Variants in GK5 observed in about 807,000 individuals in gnomAD.
GK5 encodes the protein glycerol kinase 5, also known as ATP:glycerol 3-phosphotransferase 5.
GK5 carries 39 observed loss-of-function variants against 77.3 expected under a neutral mutation model. That is an observed-to-expected ratio of 0.50 (90% CI 0.39 to 0.66). GK5 has a LOEUF of 0.66. Ranked by LOEUF, GK5 falls within the 30% of genes least tolerant of loss-of-function variation. The pLI is 0.00. For synonymous variants in GK5, 211 were observed against 208.0 expected (o/e 1.01, Z -0.13); for missense variants, 487 against 633.8 (o/e 0.77, Z 2.49).
At chr3:142,217,441 A>G (rs1444274376) in intron 1 of GK5, among the ~76,000 whole-genome samples, 1 of 152,208 alleles carries the variant, frequency 6.6e-6, no homozygotes, top group Non-Finnish European at 1.5e-5. Flanking sequence ...AAATTAATAA[A>G]CTTGAAGATA....
At chr3:142,209,362 G>T (rs974372793) in intron 3 of GK5, among the ~76,000 whole-genome samples, 4 of 152,192 alleles carry the variant, frequency 2.6e-5, no homozygotes, top group African/African-American at 9.7e-5. Flanking sequence ...AATGGCTAGT[G>T]TGGCTGAAAA....
intron 11 of GK5, 94 bp from the exon 12 acceptor site, chr3:142,177,670 GCAT>G: frequency 2.8e-6 from 2 of 726,194 alleles, no homozygotes; most frequent in East Asian, 5.0e-5. Context: ...GTATTTACCT[GCAT>G]CAACATTTAT....
chr3:142,205,027 G>A (rs2064083957), intron 3 of GK5, among the ~76,000 whole-genome samples: 1 of 151,998 alleles, frequency 6.6e-6, no homozygotes, highest in Admixed American at 6.6e-5. Context: ...TAAGGAAAAG[G>A]CCTTTGAAGA....
intron 2 of GK5, 32 bp from the exon 3 acceptor site, chr3:142,213,633 TAA>T: frequency 7.3e-7 from 1 of 1,363,890 alleles, no homozygotes; most frequent in Non-Finnish European, 1.0e-6. Context: ...ACACATGTTT[TAA>T]AGCCAGTGAT....
At chr3:142,173,112 G>A (rs538632625) in intron 12 of GK5, 1 of 385,554 alleles carries the variant, frequency 2.6e-6, no homozygotes, top group East Asian at 7.3e-5. Context: ...GAGGTGGAAG[G>A]ATTGCTTGTG....
intron 5 of GK5, among the ~76,000 whole-genome samples, chr3:142,189,757 T>C (rs1365324994): frequency 2.6e-5 from 4 of 152,154 alleles, no homozygotes; most frequent in African/African-American, 7.2e-5. Context: ...CCGGCTCTCA[T>C]AGGAACTACA....
chr3:142,209,062 T>C (rs1469389659), intron 3 of GK5, among the ~76,000 whole-genome samples: 2 of 151,218 alleles, frequency 1.3e-5, no homozygotes, highest in African/African-American at 4.9e-5. Context: ...GGCAGGAGAA[T>C]GGCGTGAACT....
chr3:142,191,796 G>C (rs1331228044), intron 5 of GK5, among the ~76,000 whole-genome samples: 1 of 152,068 alleles, frequency 6.6e-6, no homozygotes, highest in South Asian at 2.1e-4. Context: ...CACTCAACCT[G>C]GGTGACAGAG....
intron 12 of GK5, among the ~76,000 whole-genome samples, chr3:142,174,196 T>G (rs1028205712): frequency 7.9e-5 from 12 of 152,182 alleles, no homozygotes; most frequent in African/African-American, 2.7e-4. Context: ...TGGCTCCCCA[T>G]GGGAGAACAA....
chr3:142,172,994 G>GGGCT, intron 12 of GK5: 2 of 226,676 alleles, frequency 8.8e-6, no homozygotes, highest in South Asian at 1.2e-4. Flanking sequence ...CTTCAGCCCA[G>GGGCT]GAATTCAACA....
rs377275362 is a variant in GK5 at position 142,196,382 on chromosome 3, G to A, written c.543+2420C>T. 2.6e-4 allele frequency among the ~76,000 whole-genome samples: 40 copies of A among 151,138 alleles called. No individual in the cohort carries two copies. In the South Asian group the frequency reaches 7.3e-3, roughly 28 times the overall value. On this transcript the variant is annotated intron_variant, in intron 5 of 15. Transcript: ENST00000392993. Reference sequence around the variant, plus strand: ...TAGTTTGCTCATCTTTTTCCATGTCGTAAGGTAGAATGGTAGACTATTGAC... The same window carrying A: ...TAGTTTGCTCATCTTTTTCCATGTCATAAGGTAGAATGGTAGACTATTGAC...
At chr3:142,201,892 G>T (rs1160304149) in intron 4 of GK5, among the ~76,000 whole-genome samples, 3 of 152,098 alleles carry the variant, frequency 2.0e-5, no homozygotes, top group Non-Finnish European at 2.9e-5. Flanking sequence ...TTGAAATTTA[G>T]TAAGTACAAT....
chr3:142,198,003 C>T (rs1347677845), intron 5 of GK5, among the ~76,000 whole-genome samples: 1 of 146,256 alleles, frequency 6.8e-6, no homozygotes, highest in Non-Finnish European at 1.5e-5. Context: ...GCCTGGGTGA[C>T]AGGGTGAGAC....
chr3:142,185,775 CAT>C, intron 9 of GK5, 152 bp downstream of exon 9: 1 of 1,557,366 alleles, frequency 6.4e-7, no homozygotes, highest in East Asian at 2.3e-5. Flanking sequence ...ATATTCTGGT[CAT>C]ATCCAGGGAC....
chr3:142,186,125 T>G (rs753180229), intron 8 of GK5, 69 bp downstream of exon 8: 26 of 1,231,222 alleles, frequency 2.1e-5, no homozygotes, highest in Non-Finnish European at 2.7e-5. Flanking sequence ...AATAAAATGC[T>G]TTTCCCCACG....
At chr3:142,208,872 G>A (rs543170218) in intron 3 of GK5, among the ~76,000 whole-genome samples, 117 of 152,310 alleles carry the variant, frequency 7.7e-4, no homozygotes, top group African/African-American at 2.6e-3. Context: ...AATAGAGGCC[G>A]GGCGTGGTGG....
intron 3 of GK5, among the ~76,000 whole-genome samples, chr3:142,212,231 G>A (rs1052142127): frequency 6.6e-6 from 1 of 152,068 alleles, no homozygotes; most frequent in Non-Finnish European, 1.5e-5. Context: ...GGGGGATTTT[G>A]GGGGAGGGAA....
At chr3:142,221,029 A>G (rs535813186) in intron 1 of GK5, among the ~76,000 whole-genome samples, 1 of 152,336 alleles carries the variant, frequency 6.6e-6, no homozygotes, top group Admixed American at 6.5e-5. Flanking sequence ...GTGCCAGGGC[A>G]AGGCATGGTA....
intron 2 of GK5, among the ~76,000 whole-genome samples, chr3:142,215,067 G>C (rs533908785): frequency 6.6e-6 from 1 of 152,176 alleles, no homozygotes; most frequent in Admixed American, 6.5e-5. Context: ...TCTTTGCCAT[G>C]TTCTCAAGCA....
Sources: gnomAD v4.1 joint callset for allele counts (sites outside exome capture counted in the v4.1 genomes callset) on GRCh38, gnomAD v4.1.1 for gene constraint, MANE v1.5 for transcripts, NCBI Gene and HGNC (gene_info 2026-07-23, HGNC 2026-07-21) for gene names.